PAPPA: variants seen among roughly 807,000 people sequenced by gnomAD.
The protein encoded by PAPPA is pappalysin 1.
Under a neutral mutation model 164.0 loss-of-function variants are expected in PAPPA, and 60 were observed. The ratio of observed to expected loss-of-function variants is 0.37; its 90% CI spans 0.30 to 0.45. The LOEUF is 0.45. PAPPA is among the 20% of genes least tolerant of loss of function. PAPPA has a pLI of 1.00. For synonymous variants in PAPPA, 875 were observed against 814.1 expected (o/e 1.07, Z -1.27); for missense variants, 1,782 against 2,087.3 (o/e 0.85, Z 2.85).
intron 7 of PAPPA, among the ~76,000 whole-genome samples, chr9:116,253,479 C>T (rs1348337965): frequency 1.3e-5 from 2 of 152,076 alleles, no homozygotes; most frequent in African/African-American, 4.8e-5. Flanking sequence ...GATACTTGGT[C>T]CACAGTCAGT....
intron 19 of PAPPA, among the ~76,000 whole-genome samples, chr9:116,371,892 T>A (rs1336879098): frequency 6.6e-6 from 1 of 152,164 alleles, no homozygotes; most frequent in Non-Finnish European, 1.5e-5. Context: ...TTGCTATGGA[T>A]TGGTTTTGCT....
At chr9:116,260,392 G>A (rs1384755790) in intron 7 of PAPPA, among the ~76,000 whole-genome samples, 7 of 152,110 alleles carry the variant, frequency 4.6e-5, no homozygotes, top group Non-Finnish European at 1.0e-4. Context: ...CATCATCTCA[G>A]GCTCAAAAAG....
intron 1 of PAPPA, among the ~76,000 whole-genome samples, chr9:116,164,934 G>A (rs1274956718): frequency 1.3e-5 from 2 of 152,148 alleles, no homozygotes; most frequent in Non-Finnish European, 1.5e-5. Flanking sequence ...CAAAGTCCAA[G>A]GACTCATCCA....
chr9:116,181,222 C>A (rs887964436), intron 1 of PAPPA, among the ~76,000 whole-genome samples: 1 of 152,152 alleles, frequency 6.6e-6, no homozygotes. Flanking sequence ...TAACAAAGGA[C>A]CCCAGCCTGG....
intron 7 of PAPPA, among the ~76,000 whole-genome samples, chr9:116,239,424 CCT>C (rs1844710617): frequency 6.6e-6 from 1 of 152,102 alleles, no homozygotes; most frequent in Non-Finnish European, 1.5e-5. Context: ...CACATTAAGC[CCT>C]TCTCTATGGG....
chr9:116,375,702 C>A (rs923831018), intron 19 of PAPPA, among the ~76,000 whole-genome samples: 1 of 152,204 alleles, frequency 6.6e-6, no homozygotes, highest in Non-Finnish European at 1.5e-5. Flanking sequence ...TCTGTCACAG[C>A]CTCACCAAGA....
At chr9:116,260,486 G>C (rs1844988180) in intron 7 of PAPPA, among the ~76,000 whole-genome samples, 1 of 152,086 alleles carries the variant, frequency 6.6e-6, no homozygotes, top group Non-Finnish European at 1.5e-5. Flanking sequence ...TTAGCTCAAG[G>C]CTACACTGGA....
At chr9:116,181,806 G>T (rs1843908620) in intron 1 of PAPPA, among the ~76,000 whole-genome samples, 1 of 152,258 alleles carries the variant, frequency 6.6e-6, no homozygotes. Context: ...ACAAACTTTG[G>T]GTTCTAGCGA....
At chr9:116,319,517 T>C (rs1845827957) in intron 10 of PAPPA, among the ~76,000 whole-genome samples, 2 of 152,152 alleles carry the variant, frequency 1.3e-5, no homozygotes, top group Non-Finnish European at 2.9e-5. Flanking sequence ...GAATTTTCTT[T>C]CTCCATTTGA....
rs753008319 is a variant in PAPPA at position 116,285,142 on chromosome 9, C to CTTTCTT, written c.2953+13741_2953+13746dup. On this transcript the variant is annotated intron_variant, in intron 9 of 21. Coordinates refer to ENST00000328252, the MANE Select transcript of PAPPA (RefSeq NM_002581.5). ...TGCTTTTCTTTTCTTTTTCTTTTTT[C>CTTTCTT]TTTCTTTTTCTTTTTCTTTTCTTTC... 5.3e-3 allele frequency among the ~76,000 whole-genome samples: 697 copies of CTTTCTT among 131,258 alleles called. 7 individuals carry two copies. The highest frequency in any genetic ancestry group is 8.2e-3 in the Non-Finnish European group (488 of 59,712). 86.1% of individuals were successfully genotyped at this position (131,258 alleles called of 152,430 possible).
chr9:116,365,073 C>T (rs1032074222), intron 18 of PAPPA, among the ~76,000 whole-genome samples: 2 of 152,194 alleles, frequency 1.3e-5, no homozygotes, highest in Non-Finnish European at 2.9e-5. Context: ...GCTGTATCCT[C>T]GCTTTCCTCC....
chr9:116,220,249 G>T (rs562984570), intron 5 of PAPPA, 120 bp downstream of exon 5: 2 of 709,948 alleles, frequency 2.8e-6, no homozygotes. Flanking sequence ...TGTTCAAAAG[G>T]TATCTCCACC....
At chr9:116,295,274 G>A (rs984534477) in intron 9 of PAPPA, among the ~76,000 whole-genome samples, 1 of 151,972 alleles carries the variant, frequency 6.6e-6, no homozygotes, top group Non-Finnish European at 1.5e-5. Flanking sequence ...AAAGTGGGCC[G>A]GGCATGGTGG....
At chr9:116,390,570 A>G (rs1846876673) in intron 21 of PAPPA, among the ~76,000 whole-genome samples, 1 of 151,810 alleles carries the variant, frequency 6.6e-6, no homozygotes, top group Non-Finnish European at 1.5e-5. Flanking sequence ...TTTGGAAGAG[A>G]GAGTAGATAT....
At chr9:116,215,824 T>A (rs1844363750) in intron 4 of PAPPA, among the ~76,000 whole-genome samples, 1 of 152,230 alleles carries the variant, frequency 6.6e-6, no homozygotes, top group Admixed American at 6.5e-5. Flanking sequence ...ATTAGTAGGA[T>A]TATTCATTGA....
In PAPPA at chr9:116,381,399, T is replaced by C. The variant is rs181211925; in HGVS notation, c.4678-996T>C. Among the ~76,000 whole-genome samples the C allele has an allele frequency of 4.6e-3, 700 of 152,324 alleles. 5 individuals are homozygous for C. The highest frequency in any genetic ancestry group is 5.5e-3 in the Non-Finnish European group (371 of 68,034). ...ACAAACTAGACATTGCCCATGTCCA[T>C]GAAGAGCTCACAGTCTTGCACCAGC... On this transcript the variant is annotated intron_variant, in intron 20 of 21. Transcript: ENST00000328252.
intron 2 of PAPPA, among the ~76,000 whole-genome samples, chr9:116,201,823 C>A (rs918467436): frequency 6.6e-6 from 1 of 152,176 alleles, no homozygotes; most frequent in Non-Finnish European, 1.5e-5. Flanking sequence ...TTATTCTAAC[C>A]TGAAAGAACT....
intron 10 of PAPPA, among the ~76,000 whole-genome samples, chr9:116,327,196 G>T (rs962513330): frequency 6.6e-6 from 1 of 152,142 alleles, no homozygotes; most frequent in African/African-American, 2.4e-5. Context: ...GTGAAAGGAG[G>T]GACCAGGTCT....
At chr9:116,159,932 A>G (rs1394493930) in intron 1 of PAPPA, among the ~76,000 whole-genome samples, 1 of 152,078 alleles carries the variant, frequency 6.6e-6, no homozygotes, top group African/African-American at 2.4e-5. Flanking sequence ...TCCCCTCTAA[A>G]TGGTCTGAGA....
Sources: gnomAD v4.1 joint callset for allele counts (sites outside exome capture counted in the v4.1 genomes callset) on GRCh38, gnomAD v4.1.1 for gene constraint, MANE v1.5 for transcripts, NCBI Gene and HGNC (gene_info 2026-07-23, HGNC 2026-07-21) for gene names.